The following SGCZ variants were observed in gnomAD, a reference collection of about 807,000 sequenced individuals.
SGCZ encodes sarcoglycan zeta, also known as zeta-sarcoglycan.
Under a neutral mutation model 41.3 loss-of-function variants are expected in SGCZ, and 40 were observed. That is an observed-to-expected ratio of 0.97 (90% CI 0.75 to 1.26). SGCZ has a LOEUF of 1.26. Among genes scored for constraint, SGCZ ranks in the 50% most tolerant of loss-of-function variants. The pLI is 0.00. For missense variants in SGCZ, 552 were observed against 369.8 expected (o/e 1.49, Z -4.04); for synonymous variants, 206 against 137.5 (o/e 1.50, Z -3.49).
intron 1 of SGCZ, among the ~76,000 whole-genome samples, chr8:14,680,248 C>A (rs898906754): frequency 2.0e-5 from 3 of 152,072 alleles, no homozygotes; most frequent in African/African-American, 4.8e-5. Context: ...GGCAGTGAAA[C>A]TGCTCTGTAT....
chr8:14,482,667 G>C (rs12544228), intron 2 of SGCZ, among the ~76,000 whole-genome samples: 111,143 of 151,580 alleles, frequency 0.73, 41,645 homozygotes, highest in East Asian at 0.95. Flanking sequence ...ATTAGCATCT[G>C]CGAAATAAGT....
At chr8:15,087,093 C>A (rs116245153) in intron 1 of SGCZ, among the ~76,000 whole-genome samples, 1,527 of 152,118 alleles carry the variant, frequency 0.01, 20 homozygotes, top group African/African-American at 0.033. Context: ...AAATCACATA[C>A]CCTCTCCGTA....
intron 1 of SGCZ, among the ~76,000 whole-genome samples, chr8:14,704,767 C>T (rs1339289358): frequency 1.3e-5 from 2 of 151,894 alleles, no homozygotes; most frequent in Non-Finnish European, 2.9e-5. Flanking sequence ...CTACTCCCTT[C>T]CTTCTACTCC....
At chr8:14,252,553 A>G (rs2117210141) in intron 3 of SGCZ, among the ~76,000 whole-genome samples, 1 of 152,290 alleles carries the variant, frequency 6.6e-6, no homozygotes, top group Admixed American at 6.5e-5. Context: ...TTAGATCATA[A>G]TTAAAATGTG....
intron 1 of SGCZ, among the ~76,000 whole-genome samples, chr8:14,581,953 T>G (rs1429594796): frequency 6.6e-6 from 1 of 152,124 alleles, no homozygotes; most frequent in Non-Finnish European, 1.5e-5. Context: ...TCTCTCATGC[T>G]TCCCATTCCA....
At chr8:14,992,816 A>G (rs1802068692) in intron 1 of SGCZ, among the ~76,000 whole-genome samples, 1 of 138,176 alleles carries the variant, frequency 7.2e-6, no homozygotes, top group Admixed American at 7.9e-5. Context: ...CTTGATATTT[A>G]CCCCTCCCCC....
chr8:15,218,307 A>G (rs1246373063), intron 1 of SGCZ, among the ~76,000 whole-genome samples: 1 of 152,218 alleles, frequency 6.6e-6, no homozygotes, highest in Non-Finnish European at 1.5e-5. Flanking sequence ...GCCCTATTAT[A>G]AATCAAATAC....
At chr8:14,861,434 T>C (rs1467251262) in intron 1 of SGCZ, among the ~76,000 whole-genome samples, 4 of 152,162 alleles carry the variant, frequency 2.6e-5, no homozygotes, top group African/African-American at 4.8e-5. Flanking sequence ...GAAATGCGTA[T>C]ATATGTATGA....
intron 2 of SGCZ, among the ~76,000 whole-genome samples, chr8:14,434,673 G>C (rs1225382580): frequency 6.6e-6 from 1 of 151,944 alleles, no homozygotes; most frequent in Non-Finnish European, 1.5e-5. Context: ...TCCTTGTAGG[G>C]GTCTTTTACC....
intron 3 of SGCZ, among the ~76,000 whole-genome samples, chr8:14,263,318 T>A (rs1481097208): frequency 6.6e-6 from 1 of 151,974 alleles, no homozygotes; most frequent in East Asian, 1.9e-4. Context: ...GGAGGCTGAT[T>A]CAGGCGGATC....
At chr8:15,055,355 C>A (rs554596175) in intron 1 of SGCZ, among the ~76,000 whole-genome samples, 1 of 152,088 alleles carries the variant, frequency 6.6e-6, no homozygotes, top group African/African-American at 2.4e-5. Context: ...TATTTTTATT[C>A]TTTTTGTTAT....
At chr8:15,089,849 G>A (rs1009179623) in intron 1 of SGCZ, among the ~76,000 whole-genome samples, 1 of 152,190 alleles carries the variant, frequency 6.6e-6, no homozygotes, top group Non-Finnish European at 1.5e-5. Context: ...GGTCTTAACT[G>A]ATGGATGAAC....
Position 14,925,668 on chromosome 8 carries a change from G to A in SGCZ, c.39+311917C>T, listed in dbSNP as rs548311283. Among the ~76,000 whole-genome samples, 25 of 152,324 alleles carry A rather than the reference G, an allele frequency of 1.6e-4. No homozygotes were observed. The South Asian group carries it at 4.8e-3, about 29-fold the overall frequency. ...ATCCTTCAAGAAGCATCCTATGCCA[G>A]ATCCAGTGTGGCAAGGTTTGAGTCC... is the stretch of plus-strand genomic sequence containing the variant. On this transcript the variant is annotated intron_variant, in intron 1 of 7. Transcript: ENST00000382080.
At chr8:14,286,451 C>T (rs899465107) in intron 3 of SGCZ, among the ~76,000 whole-genome samples, 1 of 142,604 alleles carries the variant, frequency 7.0e-6, no homozygotes, top group African/African-American at 2.4e-5. Flanking sequence ...AAGAAGTTCC[C>T]TTCTCACAAA....
At chr8:14,873,501 G>C (rs1476169938) in intron 1 of SGCZ, among the ~76,000 whole-genome samples, 2 of 152,112 alleles carry the variant, frequency 1.3e-5, no homozygotes, top group South Asian at 2.1e-4. Flanking sequence ...AAACTTGAAA[G>C]TGTTCTTTAA....
At chr8:14,219,673 G>C (rs1806123618) in intron 4 of SGCZ, among the ~76,000 whole-genome samples, 1 of 152,100 alleles carries the variant, frequency 6.6e-6, no homozygotes, top group Admixed American at 6.5e-5. Flanking sequence ...CTTGTACTTG[G>C]GAGCTGGAGG....
chr8:14,570,394 A>G (rs1198595941), intron 1 of SGCZ, among the ~76,000 whole-genome samples: 2 of 152,202 alleles, frequency 1.3e-5, no homozygotes, highest in African/African-American at 4.8e-5. Context: ...TTAAATTTCA[A>G]TACTCTTCTT....
At chr8:15,217,410 C>G (rs35289055) in intron 1 of SGCZ, among the ~76,000 whole-genome samples, 17 of 97,414 alleles carry the variant, frequency 1.7e-4, no homozygotes, top group Middle Eastern at 4.5e-3. Context: ...CAGCGAGACT[C>G]CGTCTCAAAA....
chr8:14,784,442 T>TC (rs1463703790), intron 1 of SGCZ, among the ~76,000 whole-genome samples: 1 of 152,136 alleles, frequency 6.6e-6, no homozygotes, highest in Non-Finnish European at 1.5e-5. Context: ...AGGGTTTTTG[T>TC]CATACTTAAA....
Sources: allele counts gnomAD v4.1 joint callset (sites outside exome capture counted in the v4.1 genomes callset), GRCh38; gene constraint gnomAD v4.1.1; transcripts MANE v1.5; gene names NCBI Gene and HGNC (gene_info 2026-07-23, HGNC 2026-07-21).